GUCY1A2: variants seen among roughly 807,000 people sequenced by gnomAD.
GUCY1A2 encodes the protein guanylate cyclase 1 soluble subunit alpha 2.
A neutral mutation model predicts 63.5 loss-of-function variants in GUCY1A2; 27 were observed. The observed-to-expected ratio is 0.43, with a 90% CI of 0.31 to 0.59. GUCY1A2 has a LOEUF of 0.59. Among genes scored for constraint, GUCY1A2 ranks in the 20% least tolerant of loss-of-function variants. GUCY1A2 has a pLI of 0.11. For missense variants in GUCY1A2, 768 were observed against 913.3 expected, an observed-to-expected ratio of 0.84 and a Z score of 2.05; for synonymous variants, 364 against 343.5, an observed-to-expected ratio of 1.06 and a Z score of -0.66.
At chr11:106,907,962 C>A (rs1169273108) in intron 4 of GUCY1A2, among the ~76,000 whole-genome samples, 4 of 152,036 alleles carry the variant, frequency 2.6e-5, no homozygotes, top group African/African-American at 9.7e-5. Flanking sequence ...ATCTTTCTGG[C>A]AGATTTCTGC....
chr11:107,005,597 T>A (rs990952920), intron 1 of GUCY1A2, among the ~76,000 whole-genome samples: 1 of 152,178 alleles, frequency 6.6e-6, no homozygotes, highest in Non-Finnish European at 1.5e-5. Flanking sequence ...TGTAAAATGT[T>A]TTTTCTGAGA....
chr11:106,909,393 G>GTGTGTGTGTGTGTGTGT (rs1860261760), intron 4 of GUCY1A2, among the ~76,000 whole-genome samples: 1 of 147,736 alleles, frequency 6.8e-6, no homozygotes, highest in Non-Finnish European at 1.5e-5. Context: ...GTGTGTGTAC[G>GTGTGTGTGTGTGTGTGT]CTTTTCATTC....
intron 3 of GUCY1A2, among the ~76,000 whole-genome samples, chr11:106,973,763 C>T (rs1423880219): frequency 1.3e-5 from 2 of 152,068 alleles, no homozygotes; most frequent in Non-Finnish European, 2.9e-5. Context: ...TGCAAAGTAT[C>T]AGTTTTCTCA....
In GUCY1A2 at chr11:106,684,407, G is replaced by T. The variant is rs1283426534; in HGVS notation, c.*3142C>A. 1 of 192,338 alleles carries T rather than the reference G, an allele frequency of 5.2e-6. No homozygotes were observed. The highest frequency in any genetic ancestry group is 1.1e-5 in the Non-Finnish European group (1 of 92,002). 11.9% of individuals were successfully genotyped at this position (192,338 alleles called of 1,614,324 possible). A position where few individuals can be genotyped will look rare whatever the true frequency, so the allele number is the denominator to read the frequency against. On this transcript the variant is annotated 3_prime_UTR_variant, in exon 8 of 8. Transcript: ENST00000526355. ...CCTTCTCTACGTTATATAGACAAGA[G>T]ATCCAACTACTATGTTTCTGAAGCA...
At chr11:106,879,759 C>T (rs1275300820) in intron 4 of GUCY1A2, among the ~76,000 whole-genome samples, 2 of 152,002 alleles carry the variant, frequency 1.3e-5, no homozygotes, top group Admixed American at 1.3e-4. Flanking sequence ...TCAGTATGCC[C>T]TCCAATCAGT....
chr11:106,997,356 C>T (rs1861552863), intron 1 of GUCY1A2, among the ~76,000 whole-genome samples: 1 of 152,144 alleles, frequency 6.6e-6, no homozygotes, highest in African/African-American at 2.4e-5. Context: ...TGGCTTTTGT[C>T]ACTTTGCTCC....
chr11:106,710,336 A>AAT (rs1371133208), intron 6 of GUCY1A2, among the ~76,000 whole-genome samples: 4 of 72,496 alleles, frequency 5.5e-5, no homozygotes, highest in Admixed American at 2.3e-4. Context: ...TTATATATAT[A>AAT]ATATATAGTT....
At chr11:106,736,862 G>A (rs1036399480) in intron 6 of GUCY1A2, among the ~76,000 whole-genome samples, 2 of 152,052 alleles carry the variant, frequency 1.3e-5, no homozygotes, top group Non-Finnish European at 2.9e-5. Context: ...CTCCAAACGT[G>A]ACACTTACAG....
rs1401331852 is a variant in GUCY1A2 at position 106,680,834 on chromosome 11, T to G, written c.*6715A>C. ...TGGGTTCATATTCATGTTTAGGGGA[T>G]TGTTTACCTTGCAGGGCAATAATAG... On this transcript the variant is annotated 3_prime_UTR_variant, in exon 8 of 8. Coordinates refer to ENST00000526355, the MANE Select transcript of GUCY1A2 (RefSeq NM_000855.3). 1 of 206,136 alleles carries G rather than the reference T, an allele frequency of 4.9e-6. No individual in the cohort carries two copies. Among genetic ancestry groups the G allele is most frequent in the Non-Finnish European group, 9.9e-6 (1 of 100,864 alleles). 12.8% of individuals were successfully genotyped at this position (206,136 alleles called of 1,614,324 possible). A position where few individuals can be genotyped will look rare whatever the true frequency, so the allele number is the denominator to read the frequency against.
At chr11:106,720,134 T>C (rs1001546255) in intron 6 of GUCY1A2, among the ~76,000 whole-genome samples, 3 of 152,222 alleles carry the variant, frequency 2.0e-5, no homozygotes, top group African/African-American at 7.2e-5. Flanking sequence ...TGAACCCTCC[T>C]CAGACTTAAT....
At chr11:106,769,683 A>G (rs1279057813) in intron 6 of GUCY1A2, among the ~76,000 whole-genome samples, 1 of 152,156 alleles carries the variant, frequency 6.6e-6, no homozygotes, top group African/African-American at 2.4e-5. Context: ...TTACTGTTAC[A>G]ATAGAACACT....
chr11:106,765,422 T>C (rs1453493330), intron 6 of GUCY1A2, among the ~76,000 whole-genome samples: 2 of 152,146 alleles, frequency 1.3e-5, no homozygotes, highest in African/African-American at 4.8e-5. Context: ...TAATTTCTAG[T>C]TGTTGGTTCC....
chr11:106,803,174 A>C (rs908263723), intron 5 of GUCY1A2, among the ~76,000 whole-genome samples: 1 of 152,210 alleles, frequency 6.6e-6, no homozygotes, highest in Non-Finnish European at 1.5e-5. Context: ...TTAGAATATA[A>C]AAATAGACAT....
intron 4 of GUCY1A2, among the ~76,000 whole-genome samples, chr11:106,878,198 A>G (rs1311361149): frequency 6.6e-6 from 1 of 152,118 alleles, no homozygotes; most frequent in East Asian, 1.9e-4. Context: ...AATCAGTTCA[A>G]CCATTGTGGA....
intron 4 of GUCY1A2, among the ~76,000 whole-genome samples, chr11:106,908,753 C>T (rs1372618691): frequency 6.6e-6 from 1 of 151,984 alleles, no homozygotes; most frequent in Non-Finnish European, 1.5e-5. Flanking sequence ...ATAGGTACGA[C>T]CAGTTCTTTA....
intron 3 of GUCY1A2, among the ~76,000 whole-genome samples, chr11:106,966,067 T>G (rs1368259042): frequency 6.6e-6 from 1 of 152,068 alleles, no homozygotes; most frequent in African/African-American, 2.4e-5. Flanking sequence ...ATTTAAGCCC[T>G]TCACACTCTT....
chr11:106,882,874 T>C (rs1478783438), intron 4 of GUCY1A2, among the ~76,000 whole-genome samples: 2 of 152,050 alleles, frequency 1.3e-5, no homozygotes, highest in Non-Finnish European at 2.9e-5. Flanking sequence ...TTATCAGTTC[T>C]CATTCTGAAA....
At chr11:106,728,058 C>G (rs1270643238) in intron 6 of GUCY1A2, among the ~76,000 whole-genome samples, 2 of 152,160 alleles carry the variant, frequency 1.3e-5, no homozygotes, top group Non-Finnish European at 2.9e-5. Flanking sequence ...GTAAATGTCC[C>G]ATTTCATCTG....
At chr11:106,831,505 T>G (rs1040495019) in intron 4 of GUCY1A2, among the ~76,000 whole-genome samples, 1 of 152,186 alleles carries the variant, frequency 6.6e-6, no homozygotes, top group Non-Finnish European at 1.5e-5. Flanking sequence ...CATATGATGA[T>G]AGCAGAAAGC....
Sources: allele counts gnomAD v4.1 joint callset (sites outside exome capture counted in the v4.1 genomes callset), GRCh38; gene constraint gnomAD v4.1.1; transcripts MANE v1.5; gene names NCBI Gene and HGNC (gene_info 2026-07-23, HGNC 2026-07-21).